Variants in ELOVL5 observed in about 807,000 individuals in gnomAD.
ELOVL5 encodes the protein very long chain fatty acid elongase 5.
ELOVL5 carries 8 observed loss-of-function variants against 38.6 expected under a neutral mutation model. The observed-to-expected ratio is 0.21, with a 90% CI of 0.12 to 0.37. The LOEUF is 0.37. ELOVL5 is among the 10% of genes least tolerant of loss of function. ELOVL5 has a pLI of 1.00. For missense variants in ELOVL5, 280 were observed against 367.8 expected (o/e 0.76, Z 1.95); for synonymous variants, 127 against 133.7 (o/e 0.95, Z 0.34).
At chr6:53,281,460 A>G (rs1766349490) in intron 3 of ELOVL5, among the ~76,000 whole-genome samples, 1 of 152,208 alleles carries the variant, frequency 6.6e-6, no homozygotes, top group Non-Finnish European at 1.5e-5. Flanking sequence ...GGATTAGCAC[A>G]AAGGAATCCT....
At chr6:53,297,476 T>C (rs1767052158) in intron 1 of ELOVL5, among the ~76,000 whole-genome samples, 1 of 152,148 alleles carries the variant, frequency 6.6e-6, no homozygotes. Context: ...ATGGGAATCA[T>C]CTCTTTGTCC....
Position 53,274,354 on chromosome 6 carries a change from A to G in ELOVL5, c.496+736T>C, listed in dbSNP as rs757495664. Among the ~76,000 whole-genome samples, 10 of 151,796 alleles carry G rather than the reference A, an allele frequency of 6.6e-5. No individual in the cohort carries two copies. In the South Asian group the frequency reaches 8.3e-4, roughly 13 times the overall value. On this transcript the variant is annotated intron_variant, in intron 5 of 7. Coordinates refer to ENST00000304434, the MANE Select transcript of ELOVL5 (RefSeq NM_021814.5). ...TTTTTTTTCCTAGCTCTGGAATTCC[A>G]TGACACTGTGAATCTTAGCAGGCTC... is the stretch of plus-strand genomic sequence containing the variant.
chr6:53,281,674 T>C (rs961100730), intron 3 of ELOVL5, among the ~76,000 whole-genome samples: 8 of 152,206 alleles, frequency 5.3e-5, no homozygotes, highest in African/African-American at 1.4e-4. Context: ...TGAAAGTACC[T>C]ATTTCCTCTA....
chr6:53,317,396 A>T (rs542695356), intron 1 of ELOVL5, among the ~76,000 whole-genome samples: 1 of 152,330 alleles, frequency 6.6e-6, no homozygotes, highest in South Asian at 2.1e-4. Context: ...AACCAACCCA[A>T]ATGTCCAACA....
At position 53,269,399 on chromosome 6, in the gene ELOVL5, GGTCAA is replaced by G; in HGVS notation, c.757-134_757-130del. On this transcript the variant is annotated intron_variant, in intron 7 of 7. Transcript: ENST00000304434. ...AATCTTATCAAGGAGAAACTCCTGA[GGTCAA>G]GTCCTCATTGACTAAATCTTTTGTC... 4.9e-6 allele frequency: 3 copies of G among 607,010 alleles called. 1 individual carries two copies. The South Asian group carries it at 1.2e-4, about 25-fold the overall frequency. The allele number at this position is 607,010 out of a possible 1,614,324, so 37.6% of individuals were successfully genotyped here.
intron 1 of ELOVL5, among the ~76,000 whole-genome samples, chr6:53,305,309 G>A (rs1234365902): frequency 2.9e-5 from 4 of 139,328 alleles, no homozygotes; most frequent in African/African-American, 8.3e-5. Context: ...CCCGGACAGG[G>A]CGGCTGGCCG....
In ELOVL5 at chr6:53,269,445, TCTTC is replaced by T. The variant is rs1347037291; in HGVS notation, c.757-179_757-176del. On this transcript the variant is annotated intron_variant, in intron 7 of 7. Transcript: ENST00000304434. The stretch of plus-strand genomic sequence containing the variant: ...ATCTTTTGTCACTGGTTTCAATCAT[TCTTC>T]CTTTTTTTTTTTGAGGCTTAGCCTG... Among the ~76,000 whole-genome samples, 8 of 152,156 alleles carry T rather than the reference TCTTC, an allele frequency of 5.3e-5. No homozygotes were observed. The East Asian group carries it at 1.3e-3, about 26-fold the overall frequency.
At chr6:53,323,896 C>A (rs1347110885) in intron 1 of ELOVL5, among the ~76,000 whole-genome samples, 1 of 152,094 alleles carries the variant, frequency 6.6e-6, no homozygotes, top group Non-Finnish European at 1.5e-5. Context: ...GTTTCTAAAG[C>A]CAGGATAAGT....
In ELOVL5 at chr6:53,270,611, G is replaced by C. The variant is rs760178808; in HGVS notation, c.738C>G (p.Phe246Leu). 6.2e-7 allele frequency: 1 copy of C among 1,614,172 alleles called. No homozygotes were observed. Among genetic ancestry groups the C allele is most frequent in the Middle Eastern group, 1.7e-4 (1 of 6,060 alleles). The change falls in exon 7 of 8, where the codon TTC (phenylalanine) becomes TTG (leucine). Residue 246 changes from phenylalanine to leucine, a missense_variant. By Grantham distance (22) the Phe-to-Leu change is conservative (BLOSUM62 0). Coordinates refer to ENST00000304434, the MANE Select transcript of ELOVL5 (RefSeq NM_021814.5). ...GATTTACCTGAATGTAGAAGTTTGTGAAGAGAGCAATCAGGGAAATCATGT... is the reference window on the plus strand; with the variant it reads ...GATTTACCTGAATGTAGAAGTTTGTCAAGAGAGCAATCAGGGAAATCATGT... ...IGYMISLIALFTNFYIQTYNK... is the reference protein window; with the variant it reads ...IGYMISLIALLTNFYIQTYNK...
chr6:53,320,853 T>G (rs1404104973), intron 1 of ELOVL5, among the ~76,000 whole-genome samples: 2 of 152,228 alleles, frequency 1.3e-5, no homozygotes, highest in Admixed American at 1.3e-4. Flanking sequence ...ACCGGCTTAT[T>G]ATCCCAATGT....
rs1765827189 is a variant in ELOVL5 at position 53,269,005 on chromosome 6, C to G, written c.*122G>C. ...GGGTTTTGAATTGATGAAAGAAGTC[C>G]TACATGAATCACACTATTGTAGGCC... is the stretch of plus-strand genomic sequence containing the variant. On this transcript the variant is annotated 3_prime_UTR_variant, in exon 8 of 8. Coordinates refer to ENST00000304434, the MANE Select transcript of ELOVL5 (RefSeq NM_021814.5). 8.9e-7 allele frequency: 1 copy of G among 1,127,576 alleles called. No homozygotes were observed. The highest frequency in any genetic ancestry group is 1.3e-6 in the Non-Finnish European group (1 of 788,674). The allele number at this position is 1,127,576 out of a possible 1,614,324, so 69.8% of individuals were successfully genotyped here.
At chr6:53,274,520 T>G (rs1439966489) in intron 5 of ELOVL5, among the ~76,000 whole-genome samples, 2 of 152,190 alleles carry the variant, frequency 1.3e-5, no homozygotes, top group Non-Finnish European at 2.9e-5. Context: ...AATCTGAAGG[T>G]GGCAATCTCT....
intron 1 of ELOVL5, among the ~76,000 whole-genome samples, chr6:53,305,606 G>T (rs1349772875): frequency 1.3e-5 from 2 of 151,764 alleles, no homozygotes; most frequent in African/African-American, 4.8e-5. Flanking sequence ...TCAGACGATG[G>T]GCGGCCGGGC....
intron 1 of ELOVL5, among the ~76,000 whole-genome samples, chr6:53,312,937 C>G (rs754773499): frequency 4.6e-5 from 7 of 152,172 alleles, no homozygotes; most frequent in Non-Finnish European, 1.0e-4. Context: ...TACCTAAATG[C>G]AGGTGTTTCA....
In ELOVL5 at chr6:53,345,846, G is replaced by A. The variant is rs78324137; in HGVS notation, c.-9+2971C>T. ...GATGTTGCAGGAGACAGAGCTATAGGAATTTGGACAAGTCACTTGTCATCT... is the reference window on the plus strand; with the variant it reads ...GATGTTGCAGGAGACAGAGCTATAGAAATTTGGACAAGTCACTTGTCATCT... On this transcript the variant is annotated intron_variant, in intron 1 of 7. Transcript: ENST00000304434. 5.0e-4 allele frequency among the ~76,000 whole-genome samples: 76 copies of A among 152,260 alleles called. 1 individual carries two copies. The highest frequency in any genetic ancestry group is 1.7e-3 in the African/African-American group (70 of 41,526).
intron 3 of ELOVL5, among the ~76,000 whole-genome samples, chr6:53,283,237 A>C (rs1016250096): frequency 2.6e-5 from 4 of 152,248 alleles, no homozygotes; most frequent in Non-Finnish European, 4.4e-5. Flanking sequence ...GGAGGTCCCC[A>C]CAACAAATTA....
At chr6:53,273,132 C>T in intron 6 of ELOVL5, 88 bp downstream of exon 6, 1 of 1,405,876 alleles carries the variant, frequency 7.1e-7, no homozygotes, top group South Asian at 1.3e-5. Flanking sequence ...GAAGGGGCAT[C>T]TTAGATGCTA....
chr6:53,317,833 A>AT (rs1554138485), intron 1 of ELOVL5, among the ~76,000 whole-genome samples: 3 of 129,032 alleles, frequency 2.3e-5, no homozygotes, highest in Admixed American at 1.4e-4. Context: ...ACAAAAAAAA[A>AT]TTAAAAAAAA....
chr6:53,313,049 T>C (rs1001345718), intron 1 of ELOVL5, among the ~76,000 whole-genome samples: 2 of 152,234 alleles, frequency 1.3e-5, no homozygotes, highest in Non-Finnish European at 2.9e-5. Flanking sequence ...CCCAATGATC[T>C]AATTAACTTC....
Sources: allele counts gnomAD v4.1 joint callset (sites outside exome capture counted in the v4.1 genomes callset), GRCh38; gene constraint gnomAD v4.1.1; transcripts MANE v1.5; gene names NCBI Gene and HGNC (gene_info 2026-07-23, HGNC 2026-07-21).